Variants in BNC2 observed in about 807,000 individuals in gnomAD.
BNC2 encodes zinc finger protein basonuclin-2.
Under a neutral mutation model 76.3 loss-of-function variants are expected in BNC2, and 20 were observed. The observed-to-expected ratio is 0.26, with a 90% CI of 0.18 to 0.38. The LOEUF (loss-of-function observed/expected upper bound fraction) is 0.38, where lower values mean the gene tolerates loss of function less well. Ranked by LOEUF, BNC2 falls within the 10% of genes least tolerant of loss-of-function variation. The pLI, the probability that BNC2 is intolerant of heterozygous loss-of-function variation, is 1.00. For missense variants in BNC2, 1,382 were observed against 1,399.8 expected (o/e 0.99, Z 0.20); for synonymous variants, 582 against 514.8 (o/e 1.13, Z -1.77).
At chr9:16,691,872 G>A (rs1048199730) in intron 3 of BNC2, among the ~76,000 whole-genome samples, 55 of 145,548 alleles carry the variant, frequency 3.8e-4, no homozygotes, top group Middle Eastern at 7.8e-3. Flanking sequence ...GTGCAGTGGC[G>A]CAATCTCAGC....
chr9:16,822,140 C>G (rs932380074), intron 1 of BNC2, among the ~76,000 whole-genome samples: 1 of 150,544 alleles, frequency 6.6e-6, no homozygotes, highest in Non-Finnish European at 1.5e-5. Flanking sequence ...GTGACATGCC[C>G]GTAATCCCAG....
chr9:16,540,045 G>C (rs1818270080), intron 5 of BNC2, among the ~76,000 whole-genome samples: 2 of 151,156 alleles, frequency 1.3e-5, no homozygotes, highest in South Asian at 4.2e-4. Flanking sequence ...ACCTCCCAAA[G>C]TTTTAACCAG....
intron 3 of BNC2, among the ~76,000 whole-genome samples, chr9:16,710,444 T>C (rs576317781): frequency 1.4e-4 from 22 of 152,320 alleles, no homozygotes; most frequent in African/African-American, 5.3e-4. Flanking sequence ...TAATGAATGT[T>C]TTCTTTCTTT....
At chr9:16,801,666 C>T (rs1817782455) in intron 1 of BNC2, among the ~76,000 whole-genome samples, 1 of 151,116 alleles carries the variant, frequency 6.6e-6, no homozygotes. Flanking sequence ...CCATACTTTA[C>T]AAAGGAGTGA....
At chr9:16,584,303 G>GA (rs1344967049) in intron 3 of BNC2, among the ~76,000 whole-genome samples, 7 of 152,182 alleles carry the variant, frequency 4.6e-5, no homozygotes, top group Non-Finnish European at 8.8e-5. Context: ...GATTTTTATA[G>GA]AAACTGTCTC....
At chr9:16,837,487 G>A (rs574586527) in intron 1 of BNC2, among the ~76,000 whole-genome samples, 1 of 152,064 alleles carries the variant, frequency 6.6e-6, no homozygotes, top group African/African-American at 2.4e-5. Flanking sequence ...CTGGGCGACA[G>A]TGCGAGACTC....
chr9:16,493,444 A>G (rs1250495233), intron 5 of BNC2, among the ~76,000 whole-genome samples: 2 of 152,246 alleles, frequency 1.3e-5, no homozygotes, highest in African/African-American at 2.4e-5. Flanking sequence ...TCATTCATTC[A>G]GAGCTGTCTT....
intron 6 of BNC2, among the ~76,000 whole-genome samples, chr9:16,434,469 C>G (rs555370004): frequency 6.6e-6 from 1 of 152,220 alleles, no homozygotes; most frequent in South Asian, 2.1e-4. Context: ...AAAATTTTCT[C>G]TAAAATATTT....
At chr9:16,693,754 G>T (rs1453592963) in intron 3 of BNC2, among the ~76,000 whole-genome samples, 1 of 152,218 alleles carries the variant, frequency 6.6e-6, no homozygotes, top group Non-Finnish European at 1.5e-5. Flanking sequence ...GCCAGGAAAG[G>T]AAAAGCTTAC....
At chr9:16,437,594 G>T in intron 5 of BNC2, 70 bp from the exon 6 acceptor site, 1 of 1,532,004 alleles carries the variant, frequency 6.5e-7, no homozygotes, top group Non-Finnish European at 8.9e-7. Flanking sequence ...ATTATTCAAT[G>T]CAACTGAAGG....
At chr9:16,771,846 C>T (rs950313838) in intron 1 of BNC2, among the ~76,000 whole-genome samples, 1 of 152,184 alleles carries the variant, frequency 6.6e-6, no homozygotes. Flanking sequence ...AACCCTAATC[C>T]TCTATAAAGA....
intron 4 of BNC2, among the ~76,000 whole-genome samples, chr9:16,573,007 C>T (rs1338216459): frequency 6.6e-6 from 1 of 151,926 alleles, no homozygotes; most frequent in Non-Finnish European, 1.5e-5. Flanking sequence ...GCGGGAAGAT[C>T]ATTTGCATCT....
At chr9:16,522,480 G>A (rs1817649114) in intron 5 of BNC2, among the ~76,000 whole-genome samples, 1 of 152,140 alleles carries the variant, frequency 6.6e-6, no homozygotes, top group Non-Finnish European at 1.5e-5. Flanking sequence ...TGAAGGTGCT[G>A]GCAAGCGACT....
intron 3 of BNC2, among the ~76,000 whole-genome samples, chr9:16,714,696 A>C (rs1823947572): frequency 6.6e-6 from 1 of 152,234 alleles, no homozygotes; most frequent in South Asian, 2.1e-4. Context: ...GACCCTAGAA[A>C]GAGCCTAGAT....
chr9:16,532,539 TGCCAGCCTATGA>T (rs1818014569), intron 5 of BNC2, among the ~76,000 whole-genome samples: 1 of 152,198 alleles, frequency 6.6e-6, no homozygotes, highest in African/African-American at 2.4e-5. Flanking sequence ...GGCTGGCTCA[TGCCAGCCTATGA>T]GAGCTGATTG....
intron 5 of BNC2, among the ~76,000 whole-genome samples, chr9:16,489,202 T>C (rs75535627): frequency 0.024 from 3,687 of 152,316 alleles, 148 homozygotes; most frequent in African/African-American, 0.083. Flanking sequence ...GTCAGTATTT[T>C]AAATTTGGTT....
chr9:16,513,094 C>A (rs1389312364), intron 5 of BNC2, among the ~76,000 whole-genome samples: 2 of 151,970 alleles, frequency 1.3e-5, no homozygotes, highest in Non-Finnish European at 2.9e-5. Flanking sequence ...CACACCAGTG[C>A]ACTCCAGCCT....
At chr9:16,508,882 G>C (rs543967188) in intron 5 of BNC2, among the ~76,000 whole-genome samples, 110 of 151,152 alleles carry the variant, frequency 7.3e-4, no homozygotes, top group Non-Finnish European at 1.2e-3. Context: ...GGGTGCAGTG[G>C]CACAATTAGC....
chr9:16,491,491 C>T (rs747692191), intron 5 of BNC2, among the ~76,000 whole-genome samples: 12 of 152,152 alleles, frequency 7.9e-5, no homozygotes, highest in African/African-American at 1.7e-4. Flanking sequence ...CTACAGCACA[C>T]GCAGTATTCC....
Sources: allele counts gnomAD v4.1 joint callset (sites outside exome capture counted in the v4.1 genomes callset), GRCh38; gene constraint gnomAD v4.1.1; transcripts MANE v1.5; gene names NCBI Gene and HGNC (gene_info 2026-07-23, HGNC 2026-07-21).